The following MYH9 variants were observed in gnomAD, a reference collection of about 807,000 sequenced individuals.
The protein encoded by MYH9 is myosin-9.
Under a neutral mutation model 241.9 loss-of-function variants are expected in MYH9, and 29 were observed. That is an observed-to-expected ratio of 0.12 (90% CI 0.09 to 0.16). MYH9 has a LOEUF of 0.16. Among genes scored for constraint, MYH9 ranks in the 10% least tolerant of loss-of-function variants. The pLI, the probability that MYH9 is intolerant of heterozygous loss-of-function variation, is 1.00. For synonymous variants in MYH9, 1,047 were observed against 1,062.6 expected (o/e 0.99, Z 0.29); for missense variants, 1,803 against 2,595.5 (o/e 0.69, Z 6.63).
intron 30 of MYH9, among the ~76,000 whole-genome samples, chr22:36,292,528 G>A (rs1231294430): frequency 6.6e-6 from 1 of 152,226 alleles, no homozygotes; most frequent in Non-Finnish European, 1.5e-5. Context: ...TACGGAGACT[G>A]CTCCCAGAGA....
chr22:36,356,441 C>T (rs977529524), intron 1 of MYH9, among the ~76,000 whole-genome samples: 2 of 151,798 alleles, frequency 1.3e-5, no homozygotes, highest in African/African-American at 4.8e-5. Context: ...CTTAGCCAGG[C>T]GTGGTGGCGC....
intron 1 of MYH9, among the ~76,000 whole-genome samples, chr22:36,355,412 G>A (rs186890958): frequency 7.2e-5 from 11 of 151,836 alleles, no homozygotes; most frequent in Admixed American, 3.3e-4. Context: ...CCCTCCCTCC[G>A]TTTCTCTTTT....
At chr22:36,316,454 C>A in intron 12 of MYH9, 63 bp downstream of exon 12, 4 of 1,612,752 alleles carry the variant, frequency 2.5e-6, no homozygotes, top group Non-Finnish European at 3.4e-6. Context: ...GGTTCTTAAC[C>A]AAGGATAAGG....
intron 2 of MYH9, among the ~76,000 whole-genome samples, chr22:36,345,346 C>T (rs1364191963): frequency 6.6e-6 from 1 of 150,846 alleles, no homozygotes; most frequent in Non-Finnish European, 1.5e-5. Context: ...CCATGGAATC[C>T]TCGCAGATGA....
chr22:36,306,401 C>T lies in MYH9; in HGVS notation c.2037+13G>A, dbSNP rs1168966728. The T allele has an allele frequency of 1.2e-6, 2 of 1,613,868 alleles. No individual in the cohort carries two copies. Among genetic ancestry groups the T allele is most frequent in the Non-Finnish European group, 1.7e-6 (2 of 1,180,014 alleles). Reference sequence around the variant, plus strand: ...CAGTGCCCTGCCCGGGCCACCCCACCAGGCAGCCGCACCTTCTTCTCGTGG... The same window carrying T: ...CAGTGCCCTGCCCGGGCCACCCCACTAGGCAGCCGCACCTTCTTCTCGTGG... On this transcript the variant is annotated intron_variant, in intron 16 of 40. Transcript: ENST00000216181. This position sits in a 1 kb window ranked among gnomAD's most constrained non-coding sequence, Gnocchi z 4.1.
At chr22:36,337,813 C>T (rs906339176) in intron 3 of MYH9, among the ~76,000 whole-genome samples, 16 of 152,166 alleles carry the variant, frequency 1.1e-4, no homozygotes, top group African/African-American at 3.4e-4. Context: ...CGAGGCTCCA[C>T]GGGTGACACA....
At position 36,294,273 on chromosome 22, in the gene MYH9, T is replaced by C. The variant is rs2146337542; in HGVS notation, c.3656A>G (p.Lys1219Arg). 6.2e-7 allele frequency: 1 copy of C among 1,614,032 alleles called. No individual in the cohort carries two copies. Among genetic ancestry groups the C allele is most frequent in the South Asian group, 1.1e-5 (1 of 91,088 alleles). The stretch of plus-strand genomic sequence containing the variant: ...CCCCCGCTCGTTCTCCAGAGTCTGC[T>C]TTGCCTTCTCGAGGTTTGCTTTCAC... ...KRVKANLEKA[K>R]QTLENERGEL... The change falls in exon 28 of 41, where the codon AAG (lysine) becomes AGG (arginine). Residue 1219 changes from lysine to arginine, a missense_variant. Lys to Arg is a conservative substitution (Grantham distance 26). This residue lies in a region of MYH9 where 876 missense variants were observed against 1,077.8 expected (regional missense o/e 0.81). Coordinates refer to ENST00000216181, the MANE Select transcript of MYH9 (RefSeq NM_002473.6).
At chr22:36,327,378 C>A in intron 4 of MYH9, 83 bp downstream of exon 4, 6 of 1,529,884 alleles carry the variant, frequency 3.9e-6, no homozygotes, top group Non-Finnish European at 4.5e-6. Context: ...CTGCAAGCCC[C>A]AGTTGTGGTT....
At chr22:36,347,000 A>G (rs957343778) in intron 2 of MYH9, among the ~76,000 whole-genome samples, 21 of 152,156 alleles carry the variant, frequency 1.4e-4, no homozygotes, top group African/African-American at 4.8e-4. Context: ...AGGGCAACAT[A>G]AAGAAATAAA....
At chr22:36,282,887 G>A in intron 40 of MYH9, 102 bp from the exon 41 acceptor site, 1 of 1,055,320 alleles carries the variant, frequency 9.5e-7, no homozygotes, top group Non-Finnish European at 1.4e-6. Context: ...AGGGAAACCA[G>A]GTGCCTGGCT....
chr22:36,317,047 G>A (rs1265266092), intron 11 of MYH9, among the ~76,000 whole-genome samples: 2 of 142,956 alleles, frequency 1.4e-5, no homozygotes, highest in African/African-American at 5.3e-5. Context: ...CACCCTAAAC[G>A]CGCCCAATCT....
At chr22:36,302,230 G>A in intron 20 of MYH9, 1 of 271,730 alleles carries the variant, frequency 3.7e-6, no homozygotes. Flanking sequence ...TTGGTTTTTC[G>A]CCATTACCAT....
At chr22:36,310,698 G>A (rs978611609) in intron 14 of MYH9, among the ~76,000 whole-genome samples, 4 of 152,192 alleles carry the variant, frequency 2.6e-5, no homozygotes, top group Admixed American at 2.0e-4. Context: ...TCCTTTTAGC[G>A]GCCACAGCAC....
intron 3 of MYH9, among the ~76,000 whole-genome samples, chr22:36,336,266 T>C (rs2146379246): frequency 6.6e-6 from 1 of 152,352 alleles, no homozygotes; most frequent in South Asian, 2.1e-4. Context: ...CATGTCAAAT[T>C]CCTCAACCAG....
In MYH9 at chr22:36,305,536, G is replaced by A. The variant is rs1022725386; in HGVS notation, c.2159+394C>T. Among the ~76,000 whole-genome samples, 1 of 152,212 alleles carries A rather than the reference G, an allele frequency of 6.6e-6. No individual in the cohort carries two copies. The highest frequency in any genetic ancestry group is 1.5e-5 in the Non-Finnish European group (1 of 68,030). On this transcript the variant is annotated intron_variant, in intron 17 of 40. Coordinates refer to ENST00000216181, the MANE Select transcript of MYH9 (RefSeq NM_002473.6). This position sits in a 1 kb window ranked among gnomAD's most constrained non-coding sequence, Gnocchi z 4.7. Reference sequence around the variant, plus strand: ...ACTCAGCACAGTCATTAGAGAAACAGGAAGGTGTCGCCGTCTTCGCACACA... The same window carrying A: ...ACTCAGCACAGTCATTAGAGAAACAAGAAGGTGTCGCCGTCTTCGCACACA...
At chr22:36,292,261 T>A (rs747904662) in intron 30 of MYH9, 27 bp from the exon 31 acceptor site, 2 of 1,612,964 alleles carry the variant, frequency 1.2e-6, no homozygotes, top group South Asian at 1.1e-5. Context: ...AGTAAGCAGA[T>A]GCCCGAGATG....
chr22:36,304,513 A>G (rs1339939164), intron 18 of MYH9, among the ~76,000 whole-genome samples: 1 of 152,210 alleles, frequency 6.6e-6, no homozygotes, highest in Non-Finnish European at 1.5e-5. Flanking sequence ...TGGGAAGGGG[A>G]AAAAAGGAGC....
intron 40 of MYH9, 118 bp downstream of exon 40, chr22:36,283,973 TTG>T: frequency 1.1e-5 from 14 of 1,219,738 alleles, no homozygotes; most frequent in Admixed American, 6.7e-5. Context: ...GGGGCAGGGA[TTG>T]CTTTGTGCAG....
chr22:36,370,212 C>T (rs2018068888), intron 1 of MYH9, among the ~76,000 whole-genome samples: 1 of 152,102 alleles, frequency 6.6e-6, no homozygotes, highest in Admixed American at 6.5e-5. Context: ...GTGGGAGAAC[C>T]AAGATTAGGG....
Sources: gnomAD v4.1 joint callset for allele counts (sites outside exome capture counted in the v4.1 genomes callset) on GRCh38, gnomAD v4.1.1 for gene constraint, gnomAD v4.1.1 regional missense constraint, Gnocchi (gnomAD v3.1) non-coding constraint, MANE v1.5 for transcripts, NCBI Gene and HGNC (gene_info 2026-07-23, HGNC 2026-07-21) for gene names.